The following CATSPER3 variants were observed in gnomAD, a reference collection of about 807,000 sequenced individuals.
CATSPER3 encodes cation channel sperm-associated protein 3.
In CATSPER3, 23 loss-of-function variants were observed where a neutral mutation model predicts 36.6. The ratio of observed to expected loss-of-function variants is 0.63; its 90% CI spans 0.45 to 0.89. The LOEUF (loss-of-function observed/expected upper bound fraction) is 0.89. Ranked by LOEUF, CATSPER3 falls within the 40% of genes least tolerant of loss-of-function variation. The probability of loss-of-function intolerance (pLI) is 0.00; values close to 1 mark genes in which losing one functional copy is unlikely to be tolerated. For synonymous variants in CATSPER3, 172 were observed against 184.1 expected (o/e 0.93, Z 0.53); for missense variants, 474 against 503.9 (o/e 0.94, Z 0.57).
chr5:135,009,021 G>A (rs768429338), intron 5 of CATSPER3, 40 bp downstream of exon 5: 6 of 1,613,546 alleles, frequency 3.7e-6, no homozygotes, highest in South Asian at 3.3e-5. Flanking sequence ...CAGGGCAGGT[G>A]TGGCAGATGG....
At chr5:134,994,769 T>TG (rs140081012) in intron 2 of CATSPER3, among the ~76,000 whole-genome samples, 5,703 of 152,284 alleles carry the variant, frequency 0.037, 178 homozygotes, top group Non-Finnish European at 0.055. Flanking sequence ...GTTCTAGCCA[T>TG]GCTGACTTTG....
Position 134,968,057 on chromosome 5 carries a change from G to A in CATSPER3, c.66G>A (p.Ser22=), listed in dbSNP as rs143654392. ...VISSSPVDTT[S]VGFCPTFKKF... is the part of the protein sequence containing the mutation. ...CTAGTTCACCAGTTGACACTACATCGGTGGGATTTTGCCCAACATTCAAGA... is the reference window on the plus strand; with the variant it reads ...CTAGTTCACCAGTTGACACTACATCAGTGGGATTTTGCCCAACATTCAAGA... The change falls in exon 1 of 8, where the codon TCG becomes TCA. Residue 22 remains serine, a synonymous_variant. Coordinates refer to ENST00000282611, the MANE Select transcript of CATSPER3 (RefSeq NM_178019.3). The A allele has an allele frequency of 1.3e-5, 21 of 1,613,556 alleles. No individual in the cohort carries two copies. Among genetic ancestry groups the A allele is most frequent in the Middle Eastern group, 1.6e-4 (1 of 6,084 alleles).
At chr5:135,005,657 C>T (rs190390514) in intron 3 of CATSPER3, among the ~76,000 whole-genome samples, 5 of 152,376 alleles carry the variant, frequency 3.3e-5, no homozygotes, top group Non-Finnish European at 7.3e-5. Flanking sequence ...GGCGCTCTGG[C>T]GCATTCTTGG....
At chr5:134,983,411 T>A (rs762533771) in intron 2 of CATSPER3, among the ~76,000 whole-genome samples, 3 of 152,072 alleles carry the variant, frequency 2.0e-5, no homozygotes, top group Non-Finnish European at 4.4e-5. Flanking sequence ...GGTGCACGCC[T>A]GTAGTCCCAG....
intron 7 of CATSPER3, among the ~76,000 whole-genome samples, chr5:135,010,986 T>C (rs999728733): frequency 1.4e-4 from 22 of 152,200 alleles, no homozygotes; most frequent in Admixed American, 1.3e-3. Context: ...GCTCTGAGTG[T>C]GGCCTGGCCC....
intron 2 of CATSPER3, among the ~76,000 whole-genome samples, chr5:134,976,885 A>G (rs1319514624): frequency 1.3e-5 from 2 of 152,234 alleles, no homozygotes; most frequent in Non-Finnish European, 2.9e-5. Flanking sequence ...GGCCCCAGCA[A>G]TATGGGTTCC....
At position 134,996,290 on chromosome 5, in the gene CATSPER3, T is replaced by A; in HGVS notation, c.270T>A (p.Phe90Leu). ...FRLLEFSEIF[F>L]VSICTSELSM... The stretch of plus-strand genomic sequence containing the variant: ...CCCTGTAGTTCTCGGAGATCTTCTT[T>A]GTGTCCATCTGCACATCTGAGTTGT... The change falls in exon 3 of 8, where the codon TTT (phenylalanine) becomes TTA (leucine). Residue 90 changes from phenylalanine (F) to leucine (L), a missense_variant. Transcript: ENST00000282611. The A allele has an allele frequency of 6.2e-7, 1 of 1,614,252 alleles. No homozygotes were observed. The highest frequency in any genetic ancestry group is 1.1e-5 in the South Asian group (1 of 91,082).
At chr5:134,969,562 G>C in intron 1 of CATSPER3, 1 of 289,100 alleles carries the variant, frequency 3.5e-6, no homozygotes, top group Non-Finnish European at 6.7e-6. Context: ...TTGCTTAGTA[G>C]ACTGGCAATA....
intron 3 of CATSPER3, 145 bp from the exon 4 acceptor site, chr5:135,007,810 CCA>C: frequency 2.2e-5 from 3 of 134,862 alleles, no homozygotes; most frequent in Non-Finnish European, 4.7e-5. Flanking sequence ...ACCAACCCAC[CCA>C]CCCACCCTTA....
chr5:134,996,185 C>A lies in CATSPER3; in HGVS notation c.253-88C>A, dbSNP rs888831701. 4.5e-6 allele frequency: 7 copies of A among 1,568,538 alleles called. No homozygotes were observed. The Admixed American group carries it at 8.3e-5, about 19-fold the overall frequency. On this transcript the variant is annotated intron_variant, in intron 2 of 7. Transcript: ENST00000282611. ...CTCTCATGTGGGTGACTTAGGAGCA[C>A]CCCTTCCGGGGCTCACGCAGGGAGC...
At chr5:134,996,962 C>T (rs1226169524) in intron 3 of CATSPER3, among the ~76,000 whole-genome samples, 3 of 152,238 alleles carry the variant, frequency 2.0e-5, no homozygotes, top group Non-Finnish European at 4.4e-5. Context: ...CTCTGTGCTT[C>T]GTTAAGGTGG....
At chr5:134,972,239 A>G (rs73790765) in intron 2 of CATSPER3, among the ~76,000 whole-genome samples, 3 of 152,302 alleles carry the variant, frequency 2.0e-5, no homozygotes, top group South Asian at 2.1e-4. Context: ...GGGTTGCTCA[A>G]CTGGTAAAGA....
chr5:134,969,963 A>T lies in CATSPER3; in HGVS notation c.123A>T (p.Ala41=). The T allele has an allele frequency of 6.2e-7, 1 of 1,614,110 alleles. No homozygotes were observed. The highest frequency in any genetic ancestry group is 2.2e-5 in the East Asian group (1 of 44,876). Residue 41 remains alanine, a synonymous_variant, in exon 2 of 8, where the codon GCA becomes GCT. Transcript: ENST00000282611. The stretch of plus-strand genomic sequence containing the variant: ...GGAGGAACGATGATGAATGTCGGGC[A>T]TTTGTGAAGAGAGTCATAATGAGCC... ...KFKRNDDECR[A]FVKRVIMSRF...
At chr5:134,987,599 A>G (rs1186508098) in intron 2 of CATSPER3, among the ~76,000 whole-genome samples, 2 of 152,220 alleles carry the variant, frequency 1.3e-5, no homozygotes, top group African/African-American at 4.8e-5. Context: ...CATACTTAGC[A>G]GGATTATACA....
intron 2 of CATSPER3, among the ~76,000 whole-genome samples, chr5:134,971,779 G>A (rs1751610261): frequency 6.6e-6 from 1 of 152,060 alleles, no homozygotes; most frequent in African/African-American, 2.4e-5. Flanking sequence ...TACTGGAAAT[G>A]GAATAAAAAT....
intron 2 of CATSPER3, among the ~76,000 whole-genome samples, chr5:134,989,906 A>G (rs1751857531): frequency 6.6e-6 from 1 of 152,208 alleles, no homozygotes; most frequent in South Asian, 2.1e-4. Context: ...AGAGACTTGC[A>G]ACCCTTCATT....
chr5:135,003,557 T>G (rs1036626008), intron 3 of CATSPER3, among the ~76,000 whole-genome samples: 15 of 152,128 alleles, frequency 9.9e-5, no homozygotes, highest in African/African-American at 3.6e-4. Context: ...AGAGGTGGAG[T>G]CTACAGAGGC....
In CATSPER3 at chr5:134,970,073, G is replaced by A. The variant is rs574551964; in HGVS notation, c.233G>A (p.Arg78His). ...TGGACCAGTTATGACATAAGGTACC[G>A]CTTGTTCAGACTTCTTGAGGTAAGC... ...ALWTSYDIRYRLFRLLEFSEI... is the reference protein window; with the variant it reads ...ALWTSYDIRYHLFRLLEFSEI... Residue 78 changes from arginine to histidine, a missense_variant, in exon 2 of 8, where the codon CGC becomes CAC. Coordinates refer to ENST00000282611, the MANE Select transcript of CATSPER3 (RefSeq NM_178019.3). 22 of 1,613,950 alleles carry A rather than the reference G, an allele frequency of 1.4e-5. No individual in the cohort carries two copies. Among genetic ancestry groups the A allele is most frequent in the African/African-American group, 8.0e-5 (6 of 74,980 alleles).
At chr5:135,003,675 G>A (rs923090423) in intron 3 of CATSPER3, among the ~76,000 whole-genome samples, 2 of 152,196 alleles carry the variant, frequency 1.3e-5, no homozygotes, top group Admixed American at 6.5e-5. Context: ...CCGCAGCCTC[G>A]CTGCTGCCTT....
Sources: gnomAD v4.1 joint callset for allele counts (sites outside exome capture counted in the v4.1 genomes callset) on GRCh38, gnomAD v4.1.1 for gene constraint, MANE v1.5 for transcripts, NCBI Gene and HGNC (gene_info 2026-07-23, HGNC 2026-07-21) for gene names.